The following IP6K3 variants were observed in gnomAD, a reference collection of about 807,000 sequenced individuals.
The protein encoded by IP6K3 is ATP:1D-myo-inositol-hexakisphosphate phosphotransferase.
In IP6K3, 20 loss-of-function variants were observed where a neutral mutation model predicts 28.8. The ratio of observed to expected loss-of-function variants is 0.70; its 90% CI spans 0.49 to 1.01. The LOEUF (loss-of-function observed/expected upper bound fraction) is 1.01. IP6K3 is among the 50% of genes least tolerant of loss of function. The pLI, the probability that IP6K3 is intolerant of heterozygous loss-of-function variation, is 0.00. For synonymous variants in IP6K3, 213 were observed against 221.3 expected (o/e 0.96, Z 0.33); for missense variants, 480 against 537.1 (o/e 0.89, Z 1.05).
intron 4 of IP6K3, among the ~76,000 whole-genome samples, chr6:33,726,137 G>A (rs1766101710): frequency 6.6e-6 from 1 of 152,208 alleles, no homozygotes. Context: ...CCCATTTGCA[G>A]GAAGGAGCAG....
intron 2 of IP6K3, 104 bp from the exon 3 acceptor site, chr6:33,728,404 T>C: frequency 1.0e-6 from 1 of 999,002 alleles, no homozygotes; most frequent in Non-Finnish European, 1.5e-6. Flanking sequence ...ATGGCCCTGG[T>C]CCACCTCCTC....
the IP6K3 span, among the ~76,000 whole-genome samples, chr6:33,752,019 G>A: frequency 6.6e-6 from 1 of 152,170 alleles, no homozygotes; most frequent in African/African-American, 2.4e-5. Flanking sequence ...TGAGGCCCAG[G>A]GAAAAGATAT....
chr6:33,722,600 T>C lies in IP6K3; in HGVS notation c.*120A>G. The C allele has an allele frequency of 1.5e-6, 1 of 677,374 alleles. No individual in the cohort carries two copies. The highest frequency in any genetic ancestry group is 2.8e-5 in the Admixed American group (1 of 36,202). The allele number at this position is 677,374 out of a possible 1,614,324, so 42.0% of individuals were successfully genotyped here. A position where few individuals can be genotyped will look rare whatever the true frequency, so the allele number is the denominator to read the frequency against. ...ATAGTCTGCCATATATAGAGATGGTTTTTGAAGGTAGATAGGACTATTATG... is the reference window on the plus strand; with the variant it reads ...ATAGTCTGCCATATATAGAGATGGTCTTTGAAGGTAGATAGGACTATTATG... On this transcript the variant is annotated 3_prime_UTR_variant, in exon 6 of 6. Coordinates refer to ENST00000293756, the MANE Select transcript of IP6K3 (RefSeq NM_054111.5).
intron 1 of IP6K3, among the ~76,000 whole-genome samples, chr6:33,741,454 C>T (rs1336900427): frequency 5.3e-5 from 8 of 151,678 alleles, no homozygotes; most frequent in Admixed American, 2.0e-4. Context: ...CTAGCCTAAG[C>T]CAACATGGTG....
At chr6:33,728,789 T>G (rs1423923188) in intron 2 of IP6K3, among the ~76,000 whole-genome samples, 2 of 152,136 alleles carry the variant, frequency 1.3e-5, no homozygotes, top group Non-Finnish European at 2.9e-5. Context: ...AGCACCCTTC[T>G]TCTCCCTCCC....
chr6:33,740,410 CA>C (rs1196591879), intron 1 of IP6K3, among the ~76,000 whole-genome samples: 4 of 152,244 alleles, frequency 2.6e-5, no homozygotes, highest in Non-Finnish European at 5.9e-5. Flanking sequence ...TGATGGGGCG[CA>C]GACACCGAGC....
chr6:33,740,192 G>A (rs890603021), intron 1 of IP6K3, among the ~76,000 whole-genome samples: 2 of 152,210 alleles, frequency 1.3e-5, no homozygotes, highest in African/African-American at 4.8e-5. Flanking sequence ...TCCTTGGGGA[G>A]GCATAGGGGG....
At chr6:33,738,828 C>T (rs1766620416) in intron 1 of IP6K3, among the ~76,000 whole-genome samples, 1 of 152,340 alleles carries the variant, frequency 6.6e-6, no homozygotes. Flanking sequence ...GGCAGGTTTT[C>T]CTGTCTCCCA....
the IP6K3 span, among the ~76,000 whole-genome samples, chr6:33,761,505 G>A: frequency 3.9e-5 from 6 of 152,104 alleles, no homozygotes; most frequent in East Asian, 5.8e-4. Flanking sequence ...CACCTCAGTC[G>A]CTGGGGATGC....
At position 33,725,446 on chromosome 6, in the gene IP6K3, T is replaced by C. The variant is rs761999897; in HGVS notation, c.760A>G (p.Met254Val). The change falls in exon 5 of 6, where the codon ATG becomes GTG. Residue 254 changes from methionine to valine, a missense_variant. Physicochemically the swap from Met to Val is conservative, Grantham distance 21. Coordinates refer to ENST00000293756, the MANE Select transcript of IP6K3 (RefSeq NM_054111.5). ...SACLGVRICG[M>V]QVYQTDKKYF... ...GTGGGTCCCCTGCGACCTACCTGCA[T>C]GCCGCAGATGCGCACACCCAGGCAG... 1.2e-5 allele frequency: 20 copies of C among 1,608,942 alleles called. No homozygotes were observed. Among genetic ancestry groups the C allele is most frequent in the Non-Finnish European group, 2.5e-6 (3 of 1,179,182 alleles).
At chr6:33,732,676 A>G (rs940868507) in intron 2 of IP6K3, among the ~76,000 whole-genome samples, 3 of 152,208 alleles carry the variant, frequency 2.0e-5, no homozygotes, top group African/African-American at 7.2e-5. Flanking sequence ...TCTGTGCCTC[A>G]GCTTCCTCAT....
rs1370771064 is a variant in IP6K3, at chr6:33,736,702, G to A, written c.-179-1047C>T. Among the ~76,000 whole-genome samples the A allele has an allele frequency of 2.6e-5, 4 of 152,132 alleles. No homozygotes were observed. In the South Asian group the frequency reaches 6.2e-4, roughly 24 times the overall value. On this transcript the variant is annotated intron_variant, in intron 1 of 5. Transcript: ENST00000293756. ...ATTACAGGCGTGAGCCACCATGCCCGGCCAGGAGTGCTTTATTTTTGTACA... is the reference window on the plus strand; with the variant it reads ...ATTACAGGCGTGAGCCACCATGCCCAGCCAGGAGTGCTTTATTTTTGTACA...
intron 1 of IP6K3, among the ~76,000 whole-genome samples, chr6:33,743,075 C>T (rs1766783468): frequency 6.6e-6 from 1 of 152,086 alleles, no homozygotes; most frequent in African/African-American, 2.4e-5. Flanking sequence ...GCAGAGGCAG[C>T]CGGCAGTGGA....
upstream of IP6K3, among the ~76,000 whole-genome samples, chr6:33,751,185 T>C (rs1052612637): frequency 6.6e-6 from 1 of 152,312 alleles, no homozygotes; most frequent in South Asian, 2.1e-4. The surrounding 1 kb of genome is among the most constrained non-coding windows in gnomAD (Gnocchi z 4.3). Context: ...ACATCCCTGC[T>C]GGCCTGACCT....
At chr6:33,740,630 G>A (rs970117441) in intron 1 of IP6K3, among the ~76,000 whole-genome samples, 1 of 152,178 alleles carries the variant, frequency 6.6e-6, no homozygotes. Context: ...CCAAGACCTC[G>A]CTGATGCCAG....
chr6:33,748,985 G>A (rs1434921699), upstream of IP6K3, among the ~76,000 whole-genome samples: 1 of 152,108 alleles, frequency 6.6e-6, no homozygotes, highest in African/African-American at 2.4e-5. Flanking sequence ...GCTGTGTGCT[G>A]GGCTCCGGTT....
Position 33,742,891 on chromosome 6 carries a change from G to C in IP6K3, c.-180+3867C>G, listed in dbSNP as rs1329266816. On this transcript the variant is annotated intron_variant, in intron 1 of 5. Transcript: ENST00000293756. The surrounding 1 kb of genome is among the most constrained non-coding windows in gnomAD (Gnocchi z 4.5). ...GGAGTCCAGGAGGAGGGGAGATGTT[G>C]GCTCAGCCTTGGGGAGCTTGGGGAG... Among the ~76,000 whole-genome samples, 1 of 152,096 alleles carries C rather than the reference G, an allele frequency of 6.6e-6. No homozygotes were observed. The highest frequency in any genetic ancestry group is 1.5e-5 in the Non-Finnish European group (1 of 68,032).
rs377732226 is a variant in IP6K3, at chr6:33,724,910, G to A, written c.765+531C>T. On this transcript the variant is annotated intron_variant, in intron 5 of 5. Coordinates refer to ENST00000293756, the MANE Select transcript of IP6K3 (RefSeq NM_054111.5). ...TTGTGAGACAAAGTTCAAATGTGAT[G>A]GTTTTTGACATCACTATTCTGAAGG... is the stretch of plus-strand genomic sequence containing the variant. Among the ~76,000 whole-genome samples, 363 of 152,284 alleles carry A rather than the reference G, an allele frequency of 2.4e-3. 1 individual carries two copies. Among genetic ancestry groups the A allele is most frequent in the African/African-American group, 8.1e-3 (337 of 41,556 alleles).
the IP6K3 span, among the ~76,000 whole-genome samples, chr6:33,754,350 C>G: frequency 6.6e-6 from 1 of 152,056 alleles, no homozygotes; most frequent in Non-Finnish European, 1.5e-5. Context: ...GGGGCTGGGG[C>G]TGTGATTGCT....
Sources: gnomAD v4.1 joint callset for allele counts (sites outside exome capture counted in the v4.1 genomes callset) on GRCh38, gnomAD v4.1.1 for gene constraint, Gnocchi (gnomAD v3.1) non-coding constraint, MANE v1.5 for transcripts, NCBI Gene and HGNC (gene_info 2026-07-23, HGNC 2026-07-21) for gene names.